PCBP3: variants seen among roughly 807,000 people sequenced by gnomAD.
The protein encoded by PCBP3 is poly(rC)-binding protein 3.
Under a neutral mutation model 52.7 loss-of-function variants are expected in PCBP3, and 25 were observed. The ratio of observed to expected loss-of-function variants is 0.47; its 90% confidence interval spans 0.35 to 0.66. The LOEUF is 0.66. PCBP3 is among the 30% of genes least tolerant of loss of function. The pLI is 0.01. For missense variants in PCBP3, 391 were observed against 490.3 expected, an observed-to-expected ratio of 0.80 and a Z score of 1.91; for synonymous variants, 162 against 183.0, an observed-to-expected ratio of 0.89 and a Z score of 0.93.
chr21:45,740,738 C>CGT lies in PCBP3; in HGVS notation c.-162+5319_-162+5320dup, dbSNP rs201442398. On this transcript the variant is annotated intron_variant, in intron 3 of 17. Coordinates refer to ENST00000681687, the MANE Select transcript of PCBP3 (RefSeq NM_001384156.1). ...GTGTGTATATAGGTGTGCACGCATGCGTGTGTGTGTGGAAGGTGTGTGCAT... is the reference window on the plus strand; with the variant it reads ...GTGTGTATATAGGTGTGCACGCATGCGTGTGTGTGTGTGGAAGGTGTGTGCAT... 1.9e-4 allele frequency among the ~76,000 whole-genome samples: 28 copies of CGT among 150,658 alleles called. No individual in the cohort carries two copies. In the East Asian group the frequency reaches 2.0e-3, roughly 11 times the overall value.
rs1271240791 is a variant in PCBP3 at position 45,805,616 on chromosome 21, C to G, written c.-125-44345C>G. On this transcript the variant is annotated intron_variant, in intron 4 of 17. Coordinates refer to ENST00000681687, the MANE Select transcript of PCBP3 (RefSeq NM_001384156.1). The surrounding 1 kb of genome is among the most constrained non-coding windows in gnomAD (Gnocchi z 4.6). The stretch of plus-strand genomic sequence containing the variant: ...GGACCTTGAAGATAATGCTTCCTGT[C>G]TGCTTTTGTGTCAACAGTTGGGGCA... 6.6e-6 allele frequency among the ~76,000 whole-genome samples: 1 copy of G among 152,188 alleles called. No individual in the cohort carries two copies. The highest frequency in any genetic ancestry group is 1.5e-5 in the Non-Finnish European group (1 of 68,042).
chr21:45,841,984 A>G (rs770495660), intron 4 of PCBP3, among the ~76,000 whole-genome samples: 2 of 152,196 alleles, frequency 1.3e-5, no homozygotes, highest in African/African-American at 2.4e-5. Flanking sequence ...TGTCACCAGT[A>G]TGTGCTGGGG....
At chr21:45,799,125 G>A (rs891685085) in intron 4 of PCBP3, among the ~76,000 whole-genome samples, 7 of 151,750 alleles carry the variant, frequency 4.6e-5, no homozygotes, top group East Asian at 1.9e-4. Context: ...GGTTGAATGC[G>A]TGGATCTGTA....
intron 12 of PCBP3, chr21:45,915,364 C>T (rs534026292): frequency 1.8e-4 from 28 of 152,354 alleles, no homozygotes; most frequent in African/African-American, 5.8e-4. Flanking sequence ...AACTCCATTT[C>T]GCTGCTTTCC....
At chr21:45,790,107 T>A (rs995547515) in intron 4 of PCBP3, among the ~76,000 whole-genome samples, 2 of 151,966 alleles carry the variant, frequency 1.3e-5, no homozygotes, top group African/African-American at 4.8e-5. Context: ...GCCACTGCAC[T>A]CCAGCTTGGG....
intron 4 of PCBP3, among the ~76,000 whole-genome samples, chr21:45,798,231 G>A (rs2092100466): frequency 8.0e-6 from 1 of 124,714 alleles, no homozygotes. Context: ...GTGAATGGAT[G>A]TGTACATGGA....
chr21:45,652,479 T>C (rs965430806), intron 1 of PCBP3, among the ~76,000 whole-genome samples: 8 of 151,442 alleles, frequency 5.3e-5, no homozygotes, highest in African/African-American at 1.7e-4. Flanking sequence ...CTTGCTCTGT[T>C]GCCCAGGTTG....
At chr21:45,913,829 A>G in intron 11 of PCBP3, 122 bp from the exon 12 acceptor site, 1 of 828,172 alleles carries the variant, frequency 1.2e-6, no homozygotes, top group Non-Finnish European at 1.9e-6. Flanking sequence ...AAACTCGGGG[A>G]GGTGTGGGGA....
intron 16 of PCBP3, among the ~76,000 whole-genome samples, chr21:45,938,234 TGCGCTTCAGCAGACACCAC>T (rs374292407): frequency 1.5e-3 from 236 of 152,342 alleles, no homozygotes; most frequent in African/African-American, 4.8e-3. Context: ...TTCCGTGCTG[TGCGCTTCAGCAGACACCAC>T]GCGCTCCAGC....
At chr21:45,742,404 G>A (rs561337596) in intron 3 of PCBP3, among the ~76,000 whole-genome samples, 2 of 152,312 alleles carry the variant, frequency 1.3e-5, no homozygotes, top group African/African-American at 4.8e-5. Flanking sequence ...ACATGGCTTA[G>A]CTCTTTAACA....
chr21:45,682,613 A>G (rs925772751), intron 2 of PCBP3, among the ~76,000 whole-genome samples: 1 of 152,146 alleles, frequency 6.6e-6, no homozygotes, highest in Non-Finnish European at 1.5e-5. Flanking sequence ...AAGAAAGTAC[A>G]GGTAGAATTT....
chr21:45,698,018 T>G lies in PCBP3; in HGVS notation c.-200+29066T>G, dbSNP rs139613810. 3.0e-4 allele frequency among the ~76,000 whole-genome samples: 46 copies of G among 152,298 alleles called. 1 individual carries two copies. In the East Asian group the frequency reaches 8.5e-3, roughly 28 times the overall value. The stretch of plus-strand genomic sequence containing the variant: ...CACCTTCCCTACACACTACTTCCCA[T>G]GCACCTTATCCTGTTGTCTCACCTG... On this transcript the variant is annotated intron_variant, in intron 2 of 17. Coordinates refer to ENST00000681687, the MANE Select transcript of PCBP3 (RefSeq NM_001384156.1).
intron 4 of PCBP3, among the ~76,000 whole-genome samples, chr21:45,772,652 T>G (rs1235938081): frequency 1.3e-5 from 2 of 152,206 alleles, no homozygotes; most frequent in East Asian, 3.9e-4. Context: ...CTGTTTTCCA[T>G]AGTGGCTGTA....
intron 2 of PCBP3, among the ~76,000 whole-genome samples, chr21:45,684,029 C>A (rs1180554877): frequency 6.8e-6 from 1 of 146,708 alleles, no homozygotes; most frequent in Non-Finnish European, 1.5e-5. Context: ...TTGAGACCAG[C>A]CTGGTCAACA....
intron 13 of PCBP3, among the ~76,000 whole-genome samples, chr21:45,922,020 G>A (rs2074516651): frequency 6.6e-6 from 1 of 152,146 alleles, no homozygotes; most frequent in Admixed American, 6.5e-5. Flanking sequence ...ATGGCCACTC[G>A]GCAGCCCTGG....
intron 2 of PCBP3, among the ~76,000 whole-genome samples, chr21:45,694,388 A>G (rs1290914799): frequency 6.6e-6 from 1 of 152,162 alleles, no homozygotes; most frequent in African/African-American, 2.4e-5. Flanking sequence ...AATCTATACC[A>G]CTTGAACATT....
intron 5 of PCBP3, among the ~76,000 whole-genome samples, chr21:45,876,169 C>T (rs975909132): frequency 3.3e-5 from 5 of 152,328 alleles, no homozygotes; most frequent in South Asian, 2.1e-4. Flanking sequence ...CTTAGGCAGG[C>T]GAGTCCACGT....
intron 3 of PCBP3, among the ~76,000 whole-genome samples, chr21:45,745,182 C>G (rs1248842165): frequency 6.6e-6 from 1 of 152,202 alleles, no homozygotes; most frequent in Non-Finnish European, 1.5e-5. Flanking sequence ...AGCAGACAGA[C>G]TTCTGTGTGA....
intron 11 of PCBP3, among the ~76,000 whole-genome samples, chr21:45,913,729 AG>A (rs2096450357): frequency 6.6e-6 from 1 of 152,188 alleles, no homozygotes; most frequent in African/African-American, 2.4e-5. Flanking sequence ...CTCAGCAAAA[AG>A]GAGCCCTCTG....
Sources: allele counts gnomAD v4.1 joint callset (sites outside exome capture counted in the v4.1 genomes callset), GRCh38; gene constraint gnomAD v4.1.1; non-coding constraint Gnocchi (gnomAD v3.1); transcripts MANE v1.5; gene names NCBI Gene and HGNC (gene_info 2026-07-23, HGNC 2026-07-21).